INPP5A: variants seen among roughly 807,000 people sequenced by gnomAD.
INPP5A encodes inositol polyphosphate-5-phosphatase A.
In INPP5A, 14 loss-of-function variants were observed where a neutral mutation model predicts 65.2. The observed-to-expected ratio is 0.21, with a 90% confidence interval of 0.14 to 0.34. The LOEUF is 0.34. Ranked by LOEUF, INPP5A falls within the 10% of genes least tolerant of loss-of-function variation. INPP5A has a pLI of 1.00. For synonymous variants in INPP5A, 207 were observed against 208.3 expected, an observed-to-expected ratio of 0.99 and a Z score of 0.05; for missense variants, 431 against 545.6, an observed-to-expected ratio of 0.79 and a Z score of 2.09.
intron 1 of INPP5A, among the ~76,000 whole-genome samples, chr10:132,579,254 G>C (rs981832797): frequency 6.6e-6 from 1 of 152,126 alleles, no homozygotes; most frequent in Non-Finnish European, 1.5e-5. Context: ...GGGGACCGCG[G>C]GGCGGGGTGG....
chr10:132,752,592 T>C (rs1226263729), intron 11 of INPP5A, among the ~76,000 whole-genome samples: 1 of 78,656 alleles, frequency 1.3e-5, no homozygotes, highest in Non-Finnish European at 2.4e-5. Context: ...AGGTGTGGCA[T>C]GGAGGGGTGT....
intron 8 of INPP5A, among the ~76,000 whole-genome samples, chr10:132,720,742 G>A (rs1267121507): frequency 6.6e-6 from 1 of 150,470 alleles, no homozygotes; most frequent in Admixed American, 6.6e-5. Context: ...GTTCTGTCTG[G>A]GCGCCTTAGA....
At chr10:132,696,138 C>T (rs1030720150) in intron 5 of INPP5A, among the ~76,000 whole-genome samples, 1 of 152,208 alleles carries the variant, frequency 6.6e-6, no homozygotes. Flanking sequence ...GACTTCCCAT[C>T]CCTCCAAACT....
intron 1 of INPP5A, among the ~76,000 whole-genome samples, chr10:132,567,095 A>T (rs1184950342): frequency 6.6e-6 from 1 of 152,098 alleles, no homozygotes; most frequent in African/African-American, 2.4e-5. Flanking sequence ...TGTCTGGAGG[A>T]GGGAGGCTCC....
intron 1 of INPP5A, among the ~76,000 whole-genome samples, chr10:132,565,762 C>T (rs1299505829): frequency 1.5e-5 from 2 of 137,434 alleles, no homozygotes; most frequent in African/African-American, 5.5e-5. Context: ...TGTGGGTCTC[C>T]GTGCATGTGT....
intron 1 of INPP5A, among the ~76,000 whole-genome samples, chr10:132,596,295 A>G (rs1479961294): frequency 2.6e-5 from 4 of 152,114 alleles, no homozygotes; most frequent in South Asian, 2.1e-4. Flanking sequence ...ATGGCCCTCA[A>G]TTAAAGGGTG....
chr10:132,750,825 C>G (rs961718978), intron 11 of INPP5A, among the ~76,000 whole-genome samples: 2 of 152,168 alleles, frequency 1.3e-5, no homozygotes, highest in Admixed American at 6.5e-5. Context: ...GCAGGTGGCC[C>G]CTGTCCTCAG....
At position 132,761,793 on chromosome 10, in the gene INPP5A, G is replaced by A. The variant is rs956192067; in HGVS notation, c.904-3980G>A. ...CTTACAGTTGCAAACTGTGAACCAC[G>A]TAAGGACACATTCCACAGATAGCAA... On this transcript the variant is annotated intron_variant, in intron 11 of 15. Transcript: ENST00000368594. 3.7e-4 allele frequency among the ~76,000 whole-genome samples: 57 copies of A among 152,146 alleles called. 1 individual carries two copies. The highest frequency in any genetic ancestry group is 2.9e-5 in the Non-Finnish European group (2 of 68,028).
Position 132,740,292 on chromosome 10 carries a change from T to C in INPP5A, c.733-9225T>C, listed in dbSNP as rs547983928. Among the ~76,000 whole-genome samples, 7 of 152,336 alleles carry C rather than the reference T, an allele frequency of 4.6e-5. No homozygotes were observed. The South Asian group carries it at 1.2e-3, about 27-fold the overall frequency. ...TTTGTCAGTAGGCTCCATAGTTTTC[T>C]GAACTGTAACGGAATTACCCCCTCG... On this transcript the variant is annotated intron_variant, in intron 9 of 15. Coordinates refer to ENST00000368594, the MANE Select transcript of INPP5A (RefSeq NM_005539.5).
At chr10:132,696,857 A>G (rs921038753) in intron 5 of INPP5A, among the ~76,000 whole-genome samples, 38 of 152,306 alleles carry the variant, frequency 2.5e-4, no homozygotes, top group African/African-American at 9.1e-4. Flanking sequence ...GGGCTGGGCC[A>G]GACCACAGCA....
chr10:132,764,011 T>G (rs1846785233), intron 11 of INPP5A, among the ~76,000 whole-genome samples: 1 of 152,240 alleles, frequency 6.6e-6, no homozygotes, highest in Admixed American at 6.5e-5. Flanking sequence ...GGAGCTGACT[T>G]GGGGCCCTTC....
In INPP5A at chr10:132,676,857, C is replaced by T. The variant is rs1394412414; in HGVS notation, c.307-13535C>T. Reference sequence around the variant, plus strand: ...TGCTTGACCCTGCCCTTTTCTCTGGCTCCAGCTCCTCCTTGGCAAGCTGAG... The same window carrying T: ...TGCTTGACCCTGCCCTTTTCTCTGGTTCCAGCTCCTCCTTGGCAAGCTGAG... On this transcript the variant is annotated intron_variant, in intron 4 of 15. Coordinates refer to ENST00000368594, the MANE Select transcript of INPP5A (RefSeq NM_005539.5). This position sits in a 1 kb window ranked among gnomAD's most constrained non-coding sequence, Gnocchi z 4.0. 1.3e-5 allele frequency among the ~76,000 whole-genome samples: 2 copies of T among 152,208 alleles called. No homozygotes were observed. The highest frequency in any genetic ancestry group is 2.1e-4 in the South Asian group (1 of 4,832).
rs111226848 is a variant in INPP5A at position 132,683,956 on chromosome 10, C to T, written c.307-6436C>T. Among the ~76,000 whole-genome samples the T allele has an allele frequency of 9.2e-3, 1,404 of 152,286 alleles. 20 individuals carry two copies. Among genetic ancestry groups the T allele is most frequent in the African/African-American group, 0.032 (1,340 of 41,534 alleles). On this transcript the variant is annotated intron_variant, in intron 4 of 15. Transcript: ENST00000368594. Reference sequence around the variant, plus strand: ...TCTCGAACTCCTGACCTCAAGTGGTCGACCCACCTTGGCCTCCCAAAGTGT... The same window carrying T: ...TCTCGAACTCCTGACCTCAAGTGGTTGACCCACCTTGGCCTCCCAAAGTGT...
At chr10:132,604,831 T>C (rs2071825542) in intron 1 of INPP5A, among the ~76,000 whole-genome samples, 1 of 152,134 alleles carries the variant, frequency 6.6e-6, no homozygotes, top group African/African-American at 2.4e-5. Context: ...AGTGAAGGCA[T>C]GGGGGCTGTT....
At chr10:132,742,830 C>T (rs552708968) in intron 9 of INPP5A, among the ~76,000 whole-genome samples, 1 of 152,320 alleles carries the variant, frequency 6.6e-6, no homozygotes, top group African/African-American at 2.4e-5. Context: ...TTATCATTGA[C>T]AGGCATCCTG....
chr10:132,548,839 T>C (rs1242607204), intron 1 of INPP5A, among the ~76,000 whole-genome samples: 1 of 137,574 alleles, frequency 7.3e-6, no homozygotes, highest in African/African-American at 2.7e-5. Flanking sequence ...CACTTCCACC[T>C]AGGCTGGAGT....
chr10:132,579,514 G>A (rs1290500440), intron 1 of INPP5A, among the ~76,000 whole-genome samples: 1 of 152,134 alleles, frequency 6.6e-6, no homozygotes. Flanking sequence ...CATCCCAATG[G>A]TCTGTGTGAG....
At position 132,538,393 on chromosome 10, in the gene INPP5A, C is replaced by T. The variant is rs184596012; in HGVS notation, c.75+222C>T. On this transcript the variant is annotated intron_variant, in intron 1 of 15. Transcript: ENST00000368594. The surrounding 1 kb of genome is among the most constrained non-coding windows in gnomAD (Gnocchi z 4.1). The stretch of plus-strand genomic sequence containing the variant: ...CAAGCCCGAGACCTGAAGACCTGGG[C>T]CCTGAATCCCCGAACCCCATCCTCC... Among the ~76,000 whole-genome samples, 1 of 152,144 alleles carries T rather than the reference C, an allele frequency of 6.6e-6. No individual in the cohort carries two copies. Among genetic ancestry groups the T allele is most frequent in the African/African-American group, 2.4e-5 (1 of 41,426 alleles).
At chr10:132,713,794 G>A (rs1037318133) in intron 8 of INPP5A, among the ~76,000 whole-genome samples, 3 of 152,180 alleles carry the variant, frequency 2.0e-5, no homozygotes, top group Non-Finnish European at 2.9e-5. Context: ...CACTGACACC[G>A]AGGCAGGGAT....
Sources: gnomAD v4.1 joint callset for allele counts (sites outside exome capture counted in the v4.1 genomes callset) on GRCh38, gnomAD v4.1.1 for gene constraint, Gnocchi (gnomAD v3.1) non-coding constraint, MANE v1.5 for transcripts, NCBI Gene and HGNC (gene_info 2026-07-23, HGNC 2026-07-21) for gene names.